The following ELL2 variants were observed in gnomAD, a reference collection of about 807,000 sequenced individuals.
ELL2 encodes the protein elongation factor for RNA polymerase II 2, also known as RNA polymerase II elongation factor ELL2.
ELL2 carries 21 observed loss-of-function variants against 72.8 expected under a neutral mutation model. The ratio of observed to expected loss-of-function variants is 0.29; its 90% CI spans 0.20 to 0.42. ELL2 has a LOEUF of 0.42. Ranked by LOEUF, ELL2 falls within the 10% of genes least tolerant of loss-of-function variation. ELL2 has a pLI of 1.00. For synonymous variants in ELL2, 266 were observed against 283.2 expected (o/e 0.94, Z 0.61); for missense variants, 568 against 772.8 (o/e 0.73, Z 3.14).
rs761760522 is a variant in ELL2 at position 95,961,671 on chromosome 5, C to T, written c.51G>A (p.Leu17=). 3 of 1,608,908 alleles carry T rather than the reference C, an allele frequency of 1.9e-6. No individual in the cohort carries two copies. The highest frequency in any genetic ancestry group is 2.3e-5 in the East Asian group (1 of 44,224). The change falls in exon 1 of 12, where the codon CTG becomes CTA. Residue 17 remains leucine, a synonymous_variant. Coordinates refer to ENST00000237853, the MANE Select transcript of ELL2 (RefSeq NM_012081.6). ...GGLREEQRYG[L]SCGRLGQDNI... is the part of the protein sequence containing the mutation. ...TGTCCTGCCCCAGCCGTCCGCACGA[C>T]AGCCCATAGCGCTGCTCCTCCCGCA...
intron 3 of ELL2, among the ~76,000 whole-genome samples, chr5:95,918,616 T>A (rs1749921665): frequency 6.6e-6 from 1 of 152,186 alleles, no homozygotes; most frequent in Admixed American, 6.5e-5. Flanking sequence ...ACTGCACAGA[T>A]AAGTCACAGA....
At chr5:95,912,483 G>T (rs1391549858) in intron 4 of ELL2, among the ~76,000 whole-genome samples, 1 of 151,414 alleles carries the variant, frequency 6.6e-6, no homozygotes, top group South Asian at 2.1e-4. Flanking sequence ...ATACTTAAAT[G>T]TAAGTGTGGT....
chr5:95,958,297 T>G (rs1475626005), intron 1 of ELL2, among the ~76,000 whole-genome samples: 2 of 152,200 alleles, frequency 1.3e-5, no homozygotes, highest in African/African-American at 4.8e-5. Flanking sequence ...CTAATAACGA[T>G]GGAAGACAAG....
At chr5:95,920,456 C>T (rs1447849644) in intron 2 of ELL2, among the ~76,000 whole-genome samples, 2 of 151,750 alleles carry the variant, frequency 1.3e-5, no homozygotes, top group Non-Finnish European at 2.9e-5. Flanking sequence ...ATTATAGGTG[C>T]CCGCCACTAC....
At chr5:95,901,207 T>C in intron 5 of ELL2, 127 bp from the exon 6 acceptor site, 1 of 977,018 alleles carries the variant, frequency 1.0e-6, no homozygotes, top group Non-Finnish European at 1.4e-6. Context: ...CTGCTAGTTT[T>C]GTATTATATG....
intron 1 of ELL2, among the ~76,000 whole-genome samples, chr5:95,947,652 C>T (rs1021828176): frequency 1.3e-5 from 2 of 152,146 alleles, no homozygotes; most frequent in Admixed American, 1.3e-4. Context: ...AGAGTTGGGC[C>T]TTAAATCCAG....
intron 7 of ELL2, 62 bp downstream of exon 7, chr5:95,900,631 A>T: frequency 8.2e-7 from 1 of 1,216,064 alleles, no homozygotes; most frequent in South Asian, 1.7e-5. Flanking sequence ...TATACATCAG[A>T]GGACCTGATT....
In ELL2 at chr5:95,898,555, C is replaced by A; in HGVS notation, c.1210G>T (p.Gly404Cys). 2 of 1,613,982 alleles carry A rather than the reference C, an allele frequency of 1.2e-6. No homozygotes were observed. The highest frequency in any genetic ancestry group is 1.1e-5 in the South Asian group (1 of 91,066). ...SNSNSPSTPE[G>C]RGTQDLPVDS... ...ACAGGTAGGTCTTGAGTCCCCCGGC[C>A]TTCTGGAGTGCTAGGGGAGTTGGAG... is the stretch of plus-strand genomic sequence containing the variant. The change falls in exon 8 of 12, where the codon GGC becomes TGC. Residue 404 changes from glycine to cysteine, a missense_variant. Transcript: ENST00000237853.
rs1016299818 is a variant in ELL2 at position 95,887,350 on chromosome 5, T to C, written c.*1521A>G. Reference sequence around the variant, plus strand: ...TCTCAAGTTTTCTAGATAACCAACATTTTTCTGGTTTACAGTGATACACAA... The same window carrying C: ...TCTCAAGTTTTCTAGATAACCAACACTTTTCTGGTTTACAGTGATACACAA... On this transcript the variant is annotated 3_prime_UTR_variant, in exon 12 of 12. Coordinates refer to ENST00000237853, the MANE Select transcript of ELL2 (RefSeq NM_012081.6). 3.9e-5 allele frequency: 6 copies of C among 152,636 alleles called. No homozygotes were observed. The highest frequency in any genetic ancestry group is 3.9e-4 in the Admixed American group (6 of 15,274). The allele number at this position is 152,636 out of a possible 1,614,324, so 9.5% of individuals were successfully genotyped here. A position where few individuals can be genotyped will look rare whatever the true frequency, so the allele number is the denominator to read the frequency against.
At chr5:95,906,864 T>C in intron 4 of ELL2, 82 bp from the exon 5 acceptor site, 1 of 1,354,500 alleles carries the variant, frequency 7.4e-7, no homozygotes, top group Non-Finnish European at 9.7e-7. Context: ...CTGATTTAGG[T>C]ACCTCTTCAT....
In ELL2 at chr5:95,888,996, G is replaced by GAAAAAAAA. The variant is rs199699795; in HGVS notation, c.1807-17_1807-10dup. ...TGGTAATTGGGACTAGACTGCAGATGAAAAAAAAAAAAAAAAAAGAGGAAT... is the reference window on the plus strand; with the variant it reads ...TGGTAATTGGGACTAGACTGCAGATGAAAAAAAAAAAAAAAAAAAAAAAAAAGAGGAAT... On this transcript the variant is annotated splice_polypyrimidine_tract_variant and intron_variant, in intron 11 of 11. Coordinates refer to ENST00000237853, the MANE Select transcript of ELL2 (RefSeq NM_012081.6). The GAAAAAAAA allele has an allele frequency of 3.2e-6, 4 of 1,257,370 alleles. No homozygotes were observed. Among genetic ancestry groups the GAAAAAAAA allele is most frequent in the Admixed American group, 3.0e-5 (1 of 33,288 alleles). 77.9% of individuals were successfully genotyped at this position (1,257,370 alleles called of 1,614,324 possible).
intron 1 of ELL2, among the ~76,000 whole-genome samples, chr5:95,944,039 A>C (rs1267010559): frequency 6.6e-6 from 1 of 152,214 alleles, no homozygotes; most frequent in Non-Finnish European, 1.5e-5. Flanking sequence ...GTACAAAAAC[A>C]GTGGTTTCTG....
intron 10 of ELL2, among the ~76,000 whole-genome samples, chr5:95,889,335 C>A (rs57949227): frequency 0.17 from 25,719 of 152,150 alleles, 2,329 homozygotes; most frequent in Non-Finnish European, 0.2. Context: ...ATCCTATGGA[C>A]ACACTTGCTC....
At chr5:95,934,458 A>G (rs1220833817) in intron 2 of ELL2, among the ~76,000 whole-genome samples, 1 of 152,144 alleles carries the variant, frequency 6.6e-6, no homozygotes, top group African/African-American at 2.4e-5. Flanking sequence ...TCCTTTCTAG[A>G]CTGGACTTTT....
chr5:95,961,334 G>C (rs1043897301), intron 1 of ELL2, among the ~76,000 whole-genome samples: 66 of 151,816 alleles, frequency 4.3e-4, no homozygotes, highest in Non-Finnish European at 6.6e-4. Flanking sequence ...AGCCGACCCA[G>C]GGCTGCGGCT....
chr5:95,937,236 G>A (rs1750808790), intron 2 of ELL2, among the ~76,000 whole-genome samples: 2 of 152,122 alleles, frequency 1.3e-5, no homozygotes, highest in Non-Finnish European at 2.9e-5. Context: ...GGTATGATCC[G>A]TGAGTACTTT....
intron 2 of ELL2, among the ~76,000 whole-genome samples, chr5:95,920,458 C>T (rs939753471): frequency 3.3e-5 from 5 of 151,706 alleles, no homozygotes; most frequent in Non-Finnish European, 5.9e-5. Flanking sequence ...TATAGGTGCC[C>T]GCCACTACGC....
intron 2 of ELL2, among the ~76,000 whole-genome samples, chr5:95,934,616 GAA>G (rs991049588): frequency 2.0e-5 from 3 of 152,166 alleles, no homozygotes; most frequent in South Asian, 2.1e-4. Flanking sequence ...CAGACAGAGA[GAA>G]AACTTTCTTT....
intron 1 of ELL2, among the ~76,000 whole-genome samples, chr5:95,944,471 C>A (rs1380519154): frequency 1.3e-5 from 2 of 152,060 alleles, no homozygotes; most frequent in Non-Finnish European, 2.9e-5. Context: ...AAAGGTAGTA[C>A]CTGAATTTTT....
Sources: gnomAD v4.1 joint callset for allele counts (sites outside exome capture counted in the v4.1 genomes callset) on GRCh38, gnomAD v4.1.1 for gene constraint, MANE v1.5 for transcripts, NCBI Gene and HGNC (gene_info 2026-07-23, HGNC 2026-07-21) for gene names.